Variants in ASB3 observed in about 807,000 individuals in gnomAD.
ASB3 encodes the protein ankyrin repeat and SOCS box protein 3.
In ASB3, 41 loss-of-function variants were observed where a neutral mutation model predicts 54.5. That is an observed-to-expected ratio of 0.75 (90% CI 0.59 to 0.98). The LOEUF (loss-of-function observed/expected upper bound fraction) is 0.98. ASB3 is among the 50% of genes least tolerant of loss of function. The pLI, the probability that ASB3 is intolerant of heterozygous loss-of-function variation, is 0.00. For missense variants in ASB3, 733 were observed against 620.0 expected (o/e 1.18, Z -1.94); for synonymous variants, 266 against 221.2 (o/e 1.20, Z -1.80).
At chr2:53,770,498 T>TAAA (rs76201682) in intron 1 of ASB3, among the ~76,000 whole-genome samples, 6 of 110,552 alleles carry the variant, frequency 5.4e-5, no homozygotes, top group Non-Finnish European at 9.1e-5. Flanking sequence ...GAAGTTTATT[T>TAAA]AAAAAAAAAA....
At chr2:53,697,560 A>C (rs11689950) in intron 8 of ASB3, among the ~76,000 whole-genome samples, 15,759 of 152,096 alleles carry the variant, frequency 0.1, 1,046 homozygotes, top group Non-Finnish European at 0.15. Flanking sequence ...GGGGGATGAG[A>C]CTCAAGGCAT....
intron 7 of ASB3, among the ~76,000 whole-genome samples, chr2:53,704,740 G>A (rs181652054): frequency 5.9e-5 from 9 of 152,212 alleles, no homozygotes; most frequent in Admixed American, 5.9e-4. Flanking sequence ...TAAAAATGTG[G>A]TATTTAGTTT....
rs980816776 is a variant in ASB3, at chr2:53,718,989, C to T, written c.605-2246G>A. Among the ~76,000 whole-genome samples, 13 of 152,170 alleles carry T rather than the reference C, an allele frequency of 8.5e-5. No homozygotes were observed. In the South Asian group the frequency reaches 1.0e-3, roughly 12 times the overall value. Reference sequence around the variant, plus strand: ...AGGCTGGAGTGCAATGGTGCGATCTCGGCTTACTGCAACCTCTGCCTCCTG... The same window carrying T: ...AGGCTGGAGTGCAATGGTGCGATCTTGGCTTACTGCAACCTCTGCCTCCTG... On this transcript the variant is annotated intron_variant, in intron 5 of 9. Transcript: ENST00000263634.
At chr2:53,724,872 T>G (rs1025852796) in intron 5 of ASB3, among the ~76,000 whole-genome samples, 2 of 152,134 alleles carry the variant, frequency 1.3e-5, no homozygotes, top group Admixed American at 6.5e-5. Context: ...GGAAAGCAGT[T>G]TGGAAATTTC....
intron 1 of ASB3, chr2:53,774,614 G>A: frequency 1.0e-6 from 1 of 959,918 alleles, no homozygotes; most frequent in South Asian, 2.4e-5. Context: ...AATGTAGTGA[G>A]GATATTATTT....
intron 8 of ASB3, among the ~76,000 whole-genome samples, chr2:53,696,355 G>A (rs761980748): frequency 1.1e-4 from 16 of 152,088 alleles, no homozygotes; most frequent in African/African-American, 2.4e-4. Context: ...GGCTTATTGC[G>A]ACAAAAATTC....
chr2:53,750,761 G>A, intron 3 of ASB3, 22 bp downstream of exon 3: 1 of 1,483,328 alleles, frequency 6.7e-7, no homozygotes, highest in Non-Finnish European at 9.0e-7. Context: ...AATTGCATCT[G>A]CACCACAAAT....
chr2:53,738,633 G>A (rs527593433), intron 3 of ASB3, among the ~76,000 whole-genome samples: 2 of 152,242 alleles, frequency 1.3e-5, no homozygotes, highest in South Asian at 4.1e-4. Flanking sequence ...AGAATACTAG[G>A]TATACCTGTC....
chr2:53,766,465 G>C (rs573600252), intron 1 of ASB3, among the ~76,000 whole-genome samples: 2 of 152,298 alleles, frequency 1.3e-5, no homozygotes, highest in African/African-American at 4.8e-5. Context: ...CAGTTATTAG[G>C]AGAATGCCCT....
At chr2:53,723,214 G>A (rs111623569) in intron 5 of ASB3, among the ~76,000 whole-genome samples, 206 of 152,062 alleles carry the variant, frequency 1.4e-3, no homozygotes, top group Non-Finnish European at 2.3e-3. Flanking sequence ...AACGGAAAAC[G>A]CTGCTCACGG....
intron 5 of ASB3, among the ~76,000 whole-genome samples, chr2:53,724,968 T>C (rs1670912079): frequency 6.6e-6 from 1 of 152,110 alleles, no homozygotes; most frequent in South Asian, 2.1e-4. Flanking sequence ...AACAAAAATA[T>C]ACATGCACTT....
intron 5 of ASB3, among the ~76,000 whole-genome samples, chr2:53,718,987 C>T (rs1670550159): frequency 6.6e-6 from 1 of 152,088 alleles, no homozygotes; most frequent in South Asian, 2.1e-4. Flanking sequence ...ATGGTGCGAT[C>T]TCGGCTTACT....
At chr2:53,763,114 C>T (rs575443105) in intron 2 of ASB3, among the ~76,000 whole-genome samples, 12 of 152,142 alleles carry the variant, frequency 7.9e-5, no homozygotes, top group Non-Finnish European at 1.2e-4. Flanking sequence ...AGGTGTGATG[C>T]ATCACACCTG....
At chr2:53,735,692 G>C (rs901584568) in intron 3 of ASB3, among the ~76,000 whole-genome samples, 5 of 150,162 alleles carry the variant, frequency 3.3e-5, no homozygotes, top group Non-Finnish European at 7.4e-5. Flanking sequence ...GCCAAATAAA[G>C]CCAAAAAAAT....
chr2:53,725,254 G>A (rs1302748080), intron 5 of ASB3, among the ~76,000 whole-genome samples: 1 of 152,184 alleles, frequency 6.6e-6, no homozygotes. Flanking sequence ...AGGACATAAA[G>A]ATAGCAACAA....
chr2:53,693,955 G>A lies in ASB3; in HGVS notation c.1298C>T (p.Thr433Ile), dbSNP rs1371292689. ...IFTLEFTNWK[T>I]LAPAVERMLS... is the part of the protein sequence containing the mutation. Reference sequence around the variant, plus strand: ...CATCCTTTCAACAGCTGGTGCAAGTGTCTTCCAATTAGTAAACTCCAAAGT... The same window carrying A: ...CATCCTTTCAACAGCTGGTGCAAGTATCTTCCAATTAGTAAACTCCAAAGT... The change falls in exon 9 of 10, where the codon ACA becomes ATA. Residue 433 changes from threonine to isoleucine, a missense_variant. By Grantham distance (89) the Thr-to-Ile change is moderately conservative. Coordinates refer to ENST00000263634, the MANE Select transcript of ASB3 (RefSeq NM_016115.5). 7 of 1,613,648 alleles carry A rather than the reference G, an allele frequency of 4.3e-6. No homozygotes were observed. In the East Asian group the frequency reaches 1.3e-4, roughly 31 times the overall value.
intron 1 of ASB3, among the ~76,000 whole-genome samples, chr2:53,784,843 A>AT (rs1225698489): frequency 2.0e-5 from 3 of 152,234 alleles, no homozygotes; most frequent in Non-Finnish European, 4.4e-5. Flanking sequence ...ATAGGACTTA[A>AT]ACATGTCTTT....
At chr2:53,745,707 G>C (rs1672185034) in intron 3 of ASB3, among the ~76,000 whole-genome samples, 1 of 152,172 alleles carries the variant, frequency 6.6e-6, no homozygotes, top group African/African-American at 2.4e-5. Flanking sequence ...TGGGCCATCA[G>C]GACAGGTCCT....
chr2:53,776,689 T>G (rs1239420831), intron 1 of ASB3, among the ~76,000 whole-genome samples: 3 of 152,054 alleles, frequency 2.0e-5, no homozygotes, highest in Non-Finnish European at 4.4e-5. Context: ...TGTAGTGGCA[T>G]GCACCTGTAG....
Sources: allele counts gnomAD v4.1 joint callset (sites outside exome capture counted in the v4.1 genomes callset), GRCh38; gene constraint gnomAD v4.1.1; transcripts MANE v1.5; gene names NCBI Gene and HGNC (gene_info 2026-07-23, HGNC 2026-07-21).